The following ARHGEF3 variants were observed in gnomAD, a reference collection of about 807,000 sequenced individuals.
ARHGEF3 encodes the protein 59.8 kDA protein.
In ARHGEF3, 28 loss-of-function variants were observed where a neutral mutation model predicts 63.2. The observed-to-expected ratio is 0.44, with a 90% CI of 0.33 to 0.61. ARHGEF3 has a LOEUF of 0.61. Ranked by LOEUF, ARHGEF3 falls within the 20% of genes least tolerant of loss-of-function variation. ARHGEF3 has a pLI of 0.03. For synonymous variants in ARHGEF3, 266 were observed against 254.2 expected, an observed-to-expected ratio of 1.05 and a Z score of -0.44; for missense variants, 533 against 659.3, an observed-to-expected ratio of 0.81 and a Z score of 2.10.
chr3:56,856,197 A>C (rs776466976), intron 4 of ARHGEF3, among the ~76,000 whole-genome samples: 15 of 152,162 alleles, frequency 9.9e-5, no homozygotes, highest in Non-Finnish European at 1.9e-4. Context: ...AGCCACATAA[A>C]ATACACGTAA....
At position 57,031,046 on chromosome 3, in the gene ARHGEF3, G is replaced by C. The variant is rs536193984; in HGVS notation, c.62+4042C>G. Among the ~76,000 whole-genome samples the C allele has an allele frequency of 1.3e-4, 20 of 152,254 alleles. No homozygotes were observed. The South Asian group carries it at 4.1e-3, about 32-fold the overall frequency. On this transcript the variant is annotated intron_variant, in intron 2 of 12. Coordinates refer to the ARHGEF3 transcript ENST00000338458. ...GGCTGATCTGTGGTCCTTCCAGCTG[G>C]TCGGCTTTGTCTCAGCACCTCATCT...
At chr3:56,733,281 TA>T (rs535444706) in intron 8 of ARHGEF3, among the ~76,000 whole-genome samples, 9,129 of 87,520 alleles carry the variant, frequency 0.1, 558 homozygotes, top group East Asian at 0.17. Context: ...AGACTCCATC[TA>T]AAAAAAAAAA....
At chr3:56,938,149 G>A (rs1201680911) in intron 3 of ARHGEF3, among the ~76,000 whole-genome samples, 5 of 152,154 alleles carry the variant, frequency 3.3e-5, no homozygotes, top group Non-Finnish European at 5.9e-5. Flanking sequence ...CGTGGGAGTT[G>A]GCAGTAACAG....
intron 2 of ARHGEF3, among the ~76,000 whole-genome samples, chr3:56,756,546 T>C (rs909870135): frequency 5.4e-5 from 3 of 55,860 alleles, no homozygotes; most frequent in African/African-American, 2.0e-4. Context: ...CATAGCTGGC[T>C]TTTTTTTTTT....
chr3:57,019,222 C>T (rs146639179), intron 2 of ARHGEF3, among the ~76,000 whole-genome samples: 121 of 152,308 alleles, frequency 7.9e-4, no homozygotes, highest in African/African-American at 2.8e-3. Context: ...AGGGGGACTT[C>T]CTGAGTCTCA....
At chr3:56,942,819 C>T (rs1052578106) in intron 3 of ARHGEF3, among the ~76,000 whole-genome samples, 2 of 152,162 alleles carry the variant, frequency 1.3e-5, no homozygotes, top group Admixed American at 6.5e-5. Context: ...ACAGCCTTAT[C>T]GCTAATAGGG....
intron 2 of ARHGEF3, among the ~76,000 whole-genome samples, chr3:56,757,638 A>C (rs941604607): frequency 2.4e-4 from 36 of 152,340 alleles, no homozygotes; most frequent in Non-Finnish European, 4.4e-4. Flanking sequence ...CACATGAGCA[A>C]AGATATAAAG....
chr3:56,806,275 T>C (rs2037859515), upstream of ARHGEF3, among the ~76,000 whole-genome samples: 4 of 152,130 alleles, frequency 2.6e-5, no homozygotes, highest in Admixed American at 2.6e-4. Context: ...CAGGAGGGCC[T>C]CCAAGCATAT....
chr3:56,970,379 A>T (rs9874166), intron 2 of ARHGEF3, among the ~76,000 whole-genome samples: 1 of 152,066 alleles, frequency 6.6e-6, no homozygotes, highest in Admixed American at 6.5e-5. Context: ...GAGAAAATTC[A>T]GTAAATAAGC....
At chr3:56,775,013 A>T (rs2036215962) in intron 1 of ARHGEF3, 4 of 1,544,568 alleles carry the variant, frequency 2.6e-6, no homozygotes, top group Non-Finnish European at 3.5e-6. Context: ...TGTCCTCCTA[A>T]GCTCCATCTG....
chr3:57,033,415 G>GAAAAAAAAAAAAA (rs1560149259), intron 2 of ARHGEF3, among the ~76,000 whole-genome samples: 1 of 140,172 alleles, frequency 7.1e-6, no homozygotes. Flanking sequence ...CTTGGCTGCA[G>GAAAAAAAAAAAAA]TAAAAAAAAA....
intron 3 of ARHGEF3, among the ~76,000 whole-genome samples, chr3:56,887,707 C>A (rs9876679): frequency 0.011 from 1,714 of 152,268 alleles, 35 homozygotes; most frequent in African/African-American, 0.038. Context: ...AAGGACCCAC[C>A]CTGTTATTCT....
intron 1 of ARHGEF3, among the ~76,000 whole-genome samples, chr3:56,792,602 G>A (rs1321536216): frequency 6.6e-6 from 1 of 152,174 alleles, no homozygotes; most frequent in Admixed American, 6.5e-5. Flanking sequence ...TCTTTAAAAT[G>A]AGGACAATTA....
Position 56,915,979 on chromosome 3 carries a change from G to A in ARHGEF3, c.130-33625C>T, listed in dbSNP as rs912342258. Among the ~76,000 whole-genome samples, 7 of 152,230 alleles carry A rather than the reference G, an allele frequency of 4.6e-5. No homozygotes were observed. In the South Asian group the frequency reaches 6.2e-4, roughly 14 times the overall value. On this transcript the variant is annotated intron_variant, in intron 3 of 12. Transcript: ENST00000338458. ...AAACAGTAGCATTGCACAGCAGAGC[G>A]TGAAAAGCCCTTCCCTTTGTTCCCC... is the stretch of plus-strand genomic sequence containing the variant.
At chr3:57,008,773 T>C (rs373344838) in intron 2 of ARHGEF3, among the ~76,000 whole-genome samples, 1 of 152,242 alleles carries the variant, frequency 6.6e-6, no homozygotes, top group African/African-American at 2.4e-5. Context: ...TACCAGGCCC[T>C]GTCATTTTTC....
chr3:57,064,548 T>C (rs969486947), intron 1 of ARHGEF3, among the ~76,000 whole-genome samples: 3 of 152,192 alleles, frequency 2.0e-5, no homozygotes, highest in African/African-American at 4.8e-5. Context: ...TTTGAACCCC[T>C]GGGCTCAACA....
At chr3:56,782,341 C>A (rs2036600567) in intron 1 of ARHGEF3, among the ~76,000 whole-genome samples, 1 of 152,120 alleles carries the variant, frequency 6.6e-6, no homozygotes, top group Non-Finnish European at 1.5e-5. Context: ...AAAAGGTCTT[C>A]AAACTCAGAA....
At chr3:56,792,103 C>CAAAAGA (rs2037107916) in intron 1 of ARHGEF3, among the ~76,000 whole-genome samples, 2 of 91,354 alleles carry the variant, frequency 2.2e-5, no homozygotes. Flanking sequence ...GACTCTGTCT[C>CAAAAGA]AAAAAAAAAA....
chr3:56,798,990 T>A (rs187818597), intron 1 of ARHGEF3, among the ~76,000 whole-genome samples: 1 of 152,180 alleles, frequency 6.6e-6, no homozygotes, highest in Admixed American at 6.5e-5. Context: ...AATATTATAA[T>A]CCCTGTAGAA....
Sources: gnomAD v4.1 joint callset for allele counts (sites outside exome capture counted in the v4.1 genomes callset) on GRCh38, gnomAD v4.1.1 for gene constraint, MANE v1.5 for transcripts, NCBI Gene and HGNC (gene_info 2026-07-23, HGNC 2026-07-21) for gene names.